VCF2: variants seen among roughly 807,000 people sequenced by gnomAD.
The protein encoded by VCF2 is protein VCF2.
chrX:55,149,181 T>G, the VCF2 span, among the ~76,000 whole-genome samples: 1 of 110,648 alleles, frequency 9.0e-6, no homozygotes, highest in African/African-American at 3.3e-5. Flanking sequence ...GAGGTTTTTT[T>G]TTTTTTTTTT....
At chrX:55,161,153 C>G in the VCF2 span, 29 of 1,206,326 alleles carry the variant, frequency 2.4e-5, no homozygotes, top group African/African-American at 5.1e-4. Flanking sequence ...GGGCAGCCTC[C>G]CATAGTCCTG....
the VCF2 span, among the ~76,000 whole-genome samples, chrX:55,157,860 T>C: frequency 2.7e-5 from 3 of 112,229 alleles, no homozygotes; most frequent in Non-Finnish European, 3.8e-5. Flanking sequence ...ATCTGAAAGG[T>C]AAAATGAATG....
the VCF2 span, among the ~76,000 whole-genome samples, chrX:55,157,444 A>G: frequency 8.0e-5 from 9 of 111,945 alleles, no homozygotes. Context: ...GAAGCACCAG[A>G]ATCGCTTGAA....
the VCF2 span, chrX:55,145,504 T>C: frequency 1.3e-5 from 10 of 752,926 alleles, no homozygotes; most frequent in Non-Finnish European, 1.6e-5. Flanking sequence ...CTAAACTGGG[T>C]CTGATTGTTG....
the VCF2 span, among the ~76,000 whole-genome samples, chrX:55,154,898 G>A: frequency 8.9e-6 from 1 of 112,403 alleles, no homozygotes; most frequent in Non-Finnish European, 1.9e-5. Context: ...GATTCAACAG[G>A]TAATTCTTGA....
At chrX:55,148,947 C>T in the VCF2 span, among the ~76,000 whole-genome samples, 1 of 111,831 alleles carries the variant, frequency 8.9e-6, no homozygotes, top group South Asian at 3.7e-4. Flanking sequence ...TTGTCATAGC[C>T]TGATGCTAAA....
the VCF2 span, chrX:55,161,074 C>G: frequency 4.2e-6 from 5 of 1,201,105 alleles, no homozygotes; most frequent in Non-Finnish European, 5.6e-6. Context: ...GAAAGCAAAG[C>G]GTGATGACCG....
the VCF2 span, among the ~76,000 whole-genome samples, chrX:55,153,520 A>G: frequency 9.3e-6 from 1 of 107,382 alleles, no homozygotes; most frequent in Non-Finnish European, 1.9e-5. Context: ...ACGCCCAGCT[A>G]ATTTTTTTTT....
At chrX:55,148,604 G>A in the VCF2 span, among the ~76,000 whole-genome samples, 10 of 110,852 alleles carry the variant, frequency 9.0e-5, no homozygotes, top group Non-Finnish European at 1.7e-4. Context: ...AAAGATGTCT[G>A]GGATAAAACA....
At chrX:55,151,158 A>G in the VCF2 span, among the ~76,000 whole-genome samples, 1 of 112,476 alleles carries the variant, frequency 8.9e-6, no homozygotes, top group Non-Finnish European at 1.9e-5. Flanking sequence ...ATTTGCAAAA[A>G]ATTGATAAGA....
the VCF2 span, chrX:55,145,525 T>C: frequency 4.0e-6 from 3 of 754,992 alleles, no homozygotes; most frequent in Non-Finnish European, 4.7e-6. Context: ...CCATTACAAC[T>C]AGAGAGCAAT....
chrX:55,161,087 G>T, the VCF2 span: 6 of 1,204,155 alleles, frequency 5.0e-6, no homozygotes, highest in African/African-American at 1.1e-4. Context: ...GATGACCGTG[G>T]GGACCAGAGC....
chrX:55,145,201 T>C, the VCF2 span: 2 of 491,908 alleles, frequency 4.1e-6, no homozygotes, highest in Non-Finnish European at 5.0e-6. Flanking sequence ...TAATTCTTGT[T>C]ACTTTAAACA....
chrX:55,159,675 G>A, the VCF2 span, among the ~76,000 whole-genome samples: 1 of 112,026 alleles, frequency 8.9e-6, no homozygotes, highest in Admixed American at 9.5e-5. Context: ...TAGCGACACT[G>A]AAGAGATATT....
chrX:55,153,109 T>TTGG, the VCF2 span, among the ~76,000 whole-genome samples: 1 of 111,664 alleles, frequency 9.0e-6, no homozygotes, highest in Non-Finnish European at 1.9e-5. Flanking sequence ...CACATATGGA[T>TTGG]TGGTGTCTTC....
the VCF2 span, chrX:55,145,556 C>T: frequency 6.1e-5 from 46 of 754,059 alleles, no homozygotes; most frequent in Non-Finnish European, 7.0e-5. Flanking sequence ...CATCTACCTT[C>T]TGAGGGGAGT....
chrX:55,143,768 G>A, the VCF2 span: 1 of 1,140,325 alleles, frequency 8.8e-7, no homozygotes, highest in Non-Finnish European at 1.2e-6. Context: ...TCATAGCGGA[G>A]ATAAGTAGTT....
At chrX:55,147,631 CTTG>C in the VCF2 span, among the ~76,000 whole-genome samples, 3,430 of 67,973 alleles carry the variant, frequency 0.05, 128 homozygotes, top group African/African-American at 0.13. Flanking sequence ...GTTGGCTTTC[CTTG>C]TTTTTTTTTT....
the VCF2 span, among the ~76,000 whole-genome samples, chrX:55,151,169 C>T: frequency 8.9e-6 from 1 of 112,361 alleles, no homozygotes; most frequent in South Asian, 3.7e-4. Context: ...ATTGATAAGA[C>T]TCTGTTTTCT....
Sources: gnomAD v4.1 joint callset for allele counts (sites outside exome capture counted in the v4.1 genomes callset) on GRCh38, gnomAD v4.1.1 for gene constraint, MANE v1.5 for transcripts, NCBI Gene and HGNC (gene_info 2026-07-23, HGNC 2026-07-21) for gene names.